The following MTMR7 variants were observed in gnomAD, a reference collection of about 807,000 sequenced individuals.
MTMR7 encodes the protein myotubularin related protein 7.
In MTMR7, 76 loss-of-function variants were observed where a neutral mutation model predicts 81.2. The ratio of observed to expected loss-of-function variants is 0.94; its 90% CI spans 0.78 to 1.13. MTMR7 has a LOEUF of 1.13. Ranked by LOEUF, MTMR7 falls within the 50% of genes most tolerant of loss-of-function variation. The probability of loss-of-function intolerance (pLI) is 0.00; values close to 1 mark genes in which losing one functional copy is unlikely to be tolerated. For synonymous variants in MTMR7, 372 were observed against 289.8 expected (o/e 1.28, Z -2.88); for missense variants, 1,044 against 820.0 (o/e 1.27, Z -3.34).
At chr8:17,380,057 T>A (rs1820713055) in intron 1 of MTMR7, among the ~76,000 whole-genome samples, 1 of 152,144 alleles carries the variant, frequency 6.6e-6, no homozygotes, top group Admixed American at 6.6e-5. Flanking sequence ...GGTGAGTCGA[T>A]CTGCAACGTG....
At chr8:17,305,033 G>A (rs1222438653) in intron 11 of MTMR7, among the ~76,000 whole-genome samples, 1 of 152,080 alleles carries the variant, frequency 6.6e-6, no homozygotes, top group Non-Finnish European at 1.5e-5. Flanking sequence ...AAGAAAACAG[G>A]TGACCCTAAA....
Position 17,305,819 on chromosome 8 carries a change from G to T in MTMR7, c.1290C>A (p.His430Gln), listed in dbSNP as rs372362905. The T allele has an allele frequency of 1.9e-6, 3 of 1,613,670 alleles. No homozygotes were observed. The African/African-American group carries it at 4.0e-5, about 22-fold the overall frequency. ...NERFLIHIQH[H>Q]IYSCQFGNFL... ...AGTTTCCAAACTGGCAGGAATAAATGTGATGTTGAATGTGAATCAAAAACC... is the reference window on the plus strand; with the variant it reads ...AGTTTCCAAACTGGCAGGAATAAATTTGATGTTGAATGTGAATCAAAAACC... Residue 430 changes from histidine (H) to glutamine (Q), a missense_variant, in exon 11 of 14, where the codon CAC (histidine) becomes CAA (glutamine). His to Gln is a conservative substitution (Grantham distance 24). Transcript: ENST00000180173.
intron 6 of MTMR7, among the ~76,000 whole-genome samples, chr8:17,336,414 C>T (rs1471028688): frequency 6.6e-6 from 1 of 152,088 alleles, no homozygotes; most frequent in Non-Finnish European, 1.5e-5. Context: ...CTGCCCTCGC[C>T]CCAGTTCTCT....
chr8:17,303,367 C>G (rs1018685160), intron 12 of MTMR7, among the ~76,000 whole-genome samples: 1 of 151,956 alleles, frequency 6.6e-6, no homozygotes, highest in African/African-American at 2.4e-5. Flanking sequence ...GAAAAAAAAC[C>G]TTGAGAAACG....
intron 8 of MTMR7, among the ~76,000 whole-genome samples, chr8:17,312,781 G>C (rs1439809316): frequency 6.6e-6 from 1 of 151,902 alleles, no homozygotes; most frequent in African/African-American, 2.4e-5. Flanking sequence ...GTTCTCTTTA[G>C]GTATAAATCC....
intron 10 of MTMR7, 88 bp downstream of exon 10, chr8:17,309,189 A>C: frequency 1.1e-6 from 1 of 905,344 alleles, no homozygotes; most frequent in Non-Finnish European, 1.8e-6. Flanking sequence ...TCAAAAAACA[A>C]GACGATTTTC....
intron 6 of MTMR7, among the ~76,000 whole-genome samples, chr8:17,335,424 A>G (rs543983652): frequency 6.6e-6 from 1 of 152,238 alleles, no homozygotes; most frequent in African/African-American, 2.4e-5. Context: ...AATCAAATGT[A>G]GAAAAACTCA....
At position 17,299,866 on chromosome 8, in the gene MTMR7, G is replaced by A. The variant is rs1314713888; in HGVS notation, c.1979C>T (p.Ala660Val). ...TTGGAACTCCAAAGGGAAACTTCAG[G>A]CAGTGAGAAACACGGCTTCATCAGA... ...RDSDEAVFLT[A>V] The change falls in exon 14 of 14, where the codon GCC (alanine) becomes GTC (valine). Residue 660 changes from alanine (A) to valine (V), a missense_variant. By Grantham distance (64) the Ala-to-Val change is moderately conservative. Coordinates refer to ENST00000180173, the MANE Select transcript of MTMR7 (RefSeq NM_004686.5). 1 of 1,613,824 alleles carries A rather than the reference G, an allele frequency of 6.2e-7. No individual in the cohort carries two copies. The highest frequency in any genetic ancestry group is 1.7e-5 in the Admixed American group (1 of 59,990).
chr8:17,313,122 C>G (rs1038577702), intron 8 of MTMR7, among the ~76,000 whole-genome samples, 170 bp downstream of exon 8: 2 of 152,214 alleles, frequency 1.3e-5, no homozygotes, highest in African/African-American at 2.4e-5. Context: ...GCATTGTATT[C>G]TTTCGCAAAA....
chr8:17,386,462 G>T (rs1022814500), intron 1 of MTMR7, among the ~76,000 whole-genome samples: 1 of 152,324 alleles, frequency 6.6e-6, no homozygotes, highest in East Asian at 1.9e-4. Flanking sequence ...TCTTATAGGA[G>T]CAAGAGACAG....
chr8:17,354,332 T>A (rs1819821675), intron 4 of MTMR7, among the ~76,000 whole-genome samples: 1 of 152,206 alleles, frequency 6.6e-6, no homozygotes, highest in African/African-American at 2.4e-5. Flanking sequence ...TTTAATAAAC[T>A]GACTGGTTTG....
intron 1 of MTMR7, among the ~76,000 whole-genome samples, chr8:17,400,337 C>G (rs920942777): frequency 6.6e-6 from 1 of 152,110 alleles, no homozygotes; most frequent in African/African-American, 2.4e-5. Flanking sequence ...GATGAGGAAA[C>G]TAAAGTTAAA....
chr8:17,322,019 GA>G (rs5889707), intron 7 of MTMR7, among the ~76,000 whole-genome samples: 64,571 of 151,952 alleles, frequency 0.42, 15,804 homozygotes, highest in East Asian at 0.78. Flanking sequence ...TGAGGGTGCA[GA>G]AAAAGTCTCC....
intron 10 of MTMR7, among the ~76,000 whole-genome samples, chr8:17,307,537 T>C (rs1817533651): frequency 6.6e-6 from 1 of 152,170 alleles, no homozygotes; most frequent in South Asian, 2.1e-4. Context: ...CATTACTGGG[T>C]ATATACCCAA....
intron 4 of MTMR7, chr8:17,349,481 T>A (rs1302005956): frequency 4.4e-5 from 8 of 182,752 alleles, no homozygotes; most frequent in Non-Finnish European, 8.4e-5. Flanking sequence ...TCCTAAAACA[T>A]AAGCACACTG....
At chr8:17,306,246 T>A (rs569198081) in intron 10 of MTMR7, among the ~76,000 whole-genome samples, 4 of 152,316 alleles carry the variant, frequency 2.6e-5, no homozygotes, top group South Asian at 4.1e-4. Context: ...AGGGCATTTT[T>A]AAATTCATTC....
intron 6 of MTMR7, among the ~76,000 whole-genome samples, chr8:17,340,746 T>G (rs1202038017): frequency 6.6e-6 from 1 of 152,208 alleles, no homozygotes; most frequent in East Asian, 1.9e-4. Flanking sequence ...ACTAATACTT[T>G]TCTAACAATC....
intron 6 of MTMR7, among the ~76,000 whole-genome samples, chr8:17,338,359 A>G (rs533129189): frequency 4.4e-4 from 67 of 152,282 alleles, no homozygotes; most frequent in African/African-American, 1.5e-3. Context: ...AACACAGTAC[A>G]TATCTGGATC....
intron 6 of MTMR7, among the ~76,000 whole-genome samples, chr8:17,337,273 G>A (rs1819269960): frequency 6.6e-6 from 1 of 150,610 alleles, no homozygotes; most frequent in Non-Finnish European, 1.5e-5. Flanking sequence ...GCTGAGGCAG[G>A]AGAATCACTT....
Sources: gnomAD v4.1 joint callset for allele counts (sites outside exome capture counted in the v4.1 genomes callset) on GRCh38, gnomAD v4.1.1 for gene constraint, MANE v1.5 for transcripts, NCBI Gene and HGNC (gene_info 2026-07-23, HGNC 2026-07-21) for gene names.